WDHD1: variants seen among roughly 807,000 people sequenced by gnomAD.
WDHD1 encodes the protein WD repeat and HMG-box DNA binding protein 1, also known as WD repeat and HMG-box DNA-binding protein 1.
In WDHD1, 111 loss-of-function variants were observed where a neutral mutation model predicts 135.4. That is an observed-to-expected ratio of 0.82 (90% CI 0.70 to 0.96). WDHD1 has a LOEUF of 0.96. Ranked by LOEUF, WDHD1 falls within the 40% of genes least tolerant of loss-of-function variation. The pLI, the probability that WDHD1 is intolerant of heterozygous loss-of-function variation, is 0.00. For synonymous variants in WDHD1, 434 were observed against 439.0 expected, an observed-to-expected ratio of 0.99 and a Z score of 0.14; for missense variants, 1,351 against 1,336.3, an observed-to-expected ratio of 1.01 and a Z score of -0.17.
rs138076157 is a variant in WDHD1, at chr14:54,988,792, C to T, written c.1526+236G>A. ...AAAAAAAATCCCATCTCTTGCATTA[C>T]TAACTATGCCATGTCATTTTGCTAT... On this transcript the variant is annotated intron_variant, in intron 13 of 25. Transcript: ENST00000360586. Among the ~76,000 whole-genome samples, 143 of 149,356 alleles carry T rather than the reference C, an allele frequency of 9.6e-4. 2 individuals are homozygous for T. In the East Asian group the frequency reaches 0.025, roughly 26 times the overall value.
chr14:54,991,611 A>G (rs2041791362), intron 11 of WDHD1, among the ~76,000 whole-genome samples: 2 of 152,220 alleles, frequency 1.3e-5, no homozygotes, highest in Middle Eastern at 3.2e-3. Context: ...AGGCAGTGGC[A>G]CCTAACTGTA....
chr14:55,011,524 C>CAAAAAAAAAA lies in WDHD1; in HGVS notation c.190-1074_190-1065dup, dbSNP rs60615259. On this transcript the variant is annotated intron_variant, in intron 3 of 25. Coordinates refer to ENST00000360586, the MANE Select transcript of WDHD1 (RefSeq NM_007086.4). ...AGGCAACAAGAGTGAAACTCTGTCT[C>CAAAAAAAAAA]AAAAAAAAAAAAAAAAAAAAAAAAA... Among the ~76,000 whole-genome samples the CAAAAAAAAAA allele has an allele frequency of 1.0e-3, 52 of 50,998 alleles. 7 individuals carry two copies. The highest frequency in any genetic ancestry group is 4.2e-3 in the African/African-American group (52 of 12,338). The allele number at this position is 50,998 out of a possible 152,430, so 33.5% of individuals were successfully genotyped here. A position where few individuals can be genotyped will look rare whatever the true frequency, so the allele number is the denominator to read the frequency against.
chr14:54,982,059 G>A (rs1012028744), intron 15 of WDHD1, among the ~76,000 whole-genome samples: 2 of 151,270 alleles, frequency 1.3e-5, no homozygotes, highest in Non-Finnish European at 2.9e-5. Context: ...CAGGCTGGAG[G>A]GCAGTGGCGC....
intron 24 of WDHD1, among the ~76,000 whole-genome samples, 178 bp downstream of exon 24, chr14:54,955,380 AAAT>A (rs1344977063): frequency 1.1e-4 from 17 of 152,310 alleles, no homozygotes; most frequent in African/African-American, 4.1e-4. Context: ...ATATTTTAAT[AAAT>A]ATTATAAATA....
At chr14:54,979,580 T>C (rs567809832) in intron 16 of WDHD1, among the ~76,000 whole-genome samples, 52 of 152,370 alleles carry the variant, frequency 3.4e-4, no homozygotes, top group African/African-American at 1.2e-3. Context: ...TTAACCTCCA[T>C]GTAGCCAAAT....
At chr14:54,952,111 T>A (rs2041067139) in intron 24 of WDHD1, among the ~76,000 whole-genome samples, 1 of 152,216 alleles carries the variant, frequency 6.6e-6, no homozygotes, top group African/African-American at 2.4e-5. Context: ...TCACCACTTC[T>A]GTTCAACATA....
rs1272769435 is a variant in WDHD1 at position 54,941,709 on chromosome 14, G to A, written c.3190-19C>T. 3.8e-6 allele frequency: 6 copies of A among 1,583,114 alleles called. No individual in the cohort carries two copies. Among genetic ancestry groups the A allele is most frequent in the African/African-American group, 1.4e-5 (1 of 73,320 alleles). On this transcript the variant is annotated intron_variant, in intron 25 of 25. Transcript: ENST00000360586. ...CCCACACCTTTGTAAAATGGCAGGA[G>A]TGAAAAGGAAAGATTTTTAGAAAAT...
At chr14:54,995,933 C>A (rs2041871382) in intron 10 of WDHD1, 120 bp from the exon 11 acceptor site, 7 of 672,768 alleles carry the variant, frequency 1.0e-5, no homozygotes, top group Non-Finnish European at 1.7e-5. Flanking sequence ...ACTCACTGAA[C>A]AGATAAGAAT....
chr14:54,948,187 C>T (rs1435466594), intron 24 of WDHD1, among the ~76,000 whole-genome samples: 2 of 152,090 alleles, frequency 1.3e-5, no homozygotes, highest in African/African-American at 4.8e-5. Context: ...CTCACTAGGG[C>T]TTGTCGGACA....
At chr14:54,954,818 G>A (rs1253732357) in intron 24 of WDHD1, among the ~76,000 whole-genome samples, 2 of 151,958 alleles carry the variant, frequency 1.3e-5, no homozygotes, top group African/African-American at 2.4e-5. Flanking sequence ...CAATCTCCGC[G>A]TCCCGGGTTC....
At chr14:54,959,934 C>T (rs942362755) in intron 21 of WDHD1, among the ~76,000 whole-genome samples, 5 of 152,180 alleles carry the variant, frequency 3.3e-5, no homozygotes, top group Admixed American at 6.5e-5. Flanking sequence ...GGTTTGGTGC[C>T]TCCCTGATTC....
intron 3 of WDHD1, among the ~76,000 whole-genome samples, chr14:55,011,311 C>T (rs2042164322): frequency 1.3e-5 from 2 of 151,972 alleles, no homozygotes; most frequent in African/African-American, 4.8e-5. Context: ...GGGTGGATCA[C>T]GTGAGGTCAG....
Position 55,011,312 on chromosome 14 carries a change from G to A in WDHD1, c.190-852C>T, listed in dbSNP as rs141933115. Among the ~76,000 whole-genome samples the A allele has an allele frequency of 5.4e-3, 814 of 151,968 alleles. 10 individuals carry two copies. Among genetic ancestry groups the A allele is most frequent in the African/African-American group, 0.018 (767 of 41,472 alleles). On this transcript the variant is annotated intron_variant, in intron 3 of 25. Transcript: ENST00000360586. ...TGGGAGGCCAAGGCGGGTGGATCAC[G>A]TGAGGTCAGGAGTTCGAGACCAGCC...
intron 25 of WDHD1, among the ~76,000 whole-genome samples, chr14:54,942,559 A>T (rs957106236): frequency 1.3e-5 from 2 of 151,822 alleles, no homozygotes; most frequent in African/African-American, 4.8e-5. Flanking sequence ...CCCAACTCCG[A>T]CTCCAACCCC....
Position 54,955,684 on chromosome 14 carries a change from G to A in WDHD1, c.2927C>T (p.Ala976Val). The A allele has an allele frequency of 6.4e-7, 1 of 1,567,880 alleles. No individual in the cohort carries two copies. The highest frequency in any genetic ancestry group is 8.6e-7 in the Non-Finnish European group (1 of 1,162,804). ...PKPKPKQASA[A>V]SYFQKRNSQT... The stretch of plus-strand genomic sequence containing the variant: ...AGAATTTCTTTTCTGGAAATAGGAT[G>A]CTGCAGATGCCTATAAAAACAAACA... Residue 976 changes from alanine to valine, a missense_variant, in exon 24 of 26, where the codon GCA (alanine) becomes GTA (valine). Coordinates refer to ENST00000360586, the MANE Select transcript of WDHD1 (RefSeq NM_007086.4).
chr14:55,002,031 A>G (rs2041988078), intron 8 of WDHD1, 62 bp downstream of exon 8: 3 of 1,187,918 alleles, frequency 2.5e-6, no homozygotes, highest in Non-Finnish European at 1.2e-6. Context: ...AACTGTATTC[A>G]GGCAAACTAC....
Position 55,008,354 on chromosome 14 carries a change from A to C in WDHD1, c.466T>G (p.Cys156Gly), listed in dbSNP as rs1474030394. ...TGCCACACTCTGACAGATCCATCAC[A>C]ACTAGCTGATGCCTGCAGGAATAAA... is the stretch of plus-strand genomic sequence containing the variant. ...PKDIFLASAS[C>G]DGSVRVWQIS... Residue 156 changes from cysteine to glycine, a missense_variant, in exon 6 of 26, where the codon TGT becomes GGT. Coordinates refer to ENST00000360586, the MANE Select transcript of WDHD1 (RefSeq NM_007086.4). 1 of 1,613,620 alleles carries C rather than the reference A, an allele frequency of 6.2e-7. No homozygotes were observed. The highest frequency in any genetic ancestry group is 8.5e-7 in the Non-Finnish European group (1 of 1,179,826).
At chr14:54,945,843 G>T (rs2040914910) in intron 24 of WDHD1, among the ~76,000 whole-genome samples, 1 of 152,012 alleles carries the variant, frequency 6.6e-6, no homozygotes, top group African/African-American at 2.4e-5. Context: ...CTGGCCCAGA[G>T]TCTCTTATGT....
chr14:54,948,044 C>T (rs946304533), intron 24 of WDHD1, among the ~76,000 whole-genome samples: 16 of 151,822 alleles, frequency 1.1e-4, no homozygotes, highest in Admixed American at 3.3e-4. Flanking sequence ...GGAGAAACCT[C>T]GTCTCTACTA....
Sources: gnomAD v4.1 joint callset for allele counts (sites outside exome capture counted in the v4.1 genomes callset) on GRCh38, gnomAD v4.1.1 for gene constraint, MANE v1.5 for transcripts, NCBI Gene and HGNC (gene_info 2026-07-23, HGNC 2026-07-21) for gene names.